FLYWCH1: variants seen among roughly 807,000 people sequenced by gnomAD.
FLYWCH1 encodes the protein FLYWCH-type zinc finger 1, also known as FLYWCH-type zinc finger-containing protein 1.
In FLYWCH1, 75 loss-of-function variants were observed where a neutral mutation model predicts 66.4. That is an observed-to-expected ratio of 1.13 (90% CI 0.94 to 1.37). The LOEUF is 1.37. Ranked by LOEUF, FLYWCH1 falls within the 40% of genes most tolerant of loss-of-function variation. FLYWCH1 has a pLI of 0.00. For missense variants in FLYWCH1, 1,334 were observed against 1,001.8 expected (o/e 1.33, Z -4.48); for synonymous variants, 595 against 429.9 (o/e 1.38, Z -4.75).
At chr16:2,917,759 C>T (rs2070222056) in intron 2 of FLYWCH1, among the ~76,000 whole-genome samples, 1 of 152,054 alleles carries the variant, frequency 6.6e-6, no homozygotes, top group Admixed American at 6.6e-5. Flanking sequence ...TGTGAAAAAT[C>T]TAGATTCTTG....
intron 3 of FLYWCH1, 87 bp downstream of exon 3, chr16:2,930,097 T>C (rs567457162): frequency 5.9e-6 from 7 of 1,185,478 alleles, no homozygotes; most frequent in Admixed American, 4.6e-5. Flanking sequence ...TCAAGCATAG[T>C]GTCTTGTCCT....
rs2071613038 is a variant in FLYWCH1 at position 2,949,458 on chromosome 16, G to A, written c.*731G>A. The stretch of plus-strand genomic sequence containing the variant: ...AGCCAGCGCTGGGCACACGTGCCCT[G>A]GCTGAGGCCAGCGGCATCCTGGGTG... On this transcript the variant is annotated 3_prime_UTR_variant, in exon 10 of 10. Coordinates refer to ENST00000253928, the MANE Select transcript of FLYWCH1 (RefSeq NM_001308068.2). 1 of 152,322 alleles carries A rather than the reference G, an allele frequency of 6.6e-6. No homozygotes were observed. The highest frequency in any genetic ancestry group is 2.4e-5 in the African/African-American group (1 of 41,452). 9.4% of individuals were successfully genotyped at this position (152,322 alleles called of 1,614,324 possible).
At chr16:2,939,811 A>G (rs1211844761) in intron 8 of FLYWCH1, 3 of 450,372 alleles carry the variant, frequency 6.7e-6, no homozygotes, top group East Asian at 3.8e-5. Flanking sequence ...GTTGACCCCC[A>G]CTATTTTCCA....
At position 2,930,732 on chromosome 16, in the gene FLYWCH1, G is replaced by A. The variant is rs1186355848; in HGVS notation, c.648G>A (p.Leu216=). The part of the protein sequence containing the change: ...EGPGGRVEEP[L]EGVGPWQCPE... ...CTGGAGGCCGAGTGGAGGAGCCCCT[G>A]GAGGGGGTGGGCCCGTGGCAGTGCC... Residue 216 remains leucine (L), a synonymous_variant, in exon 4 of 10, where the codon CTG becomes CTA. Coordinates refer to ENST00000253928, the MANE Select transcript of FLYWCH1 (RefSeq NM_001308068.2). The A allele has an allele frequency of 6.4e-7, 1 of 1,552,988 alleles. No homozygotes were observed. The highest frequency in any genetic ancestry group is 1.4e-5 in the African/African-American group (1 of 73,356).
At chr16:2,939,996 AATTATTAATTCAT>A (rs763675922) in intron 8 of FLYWCH1, 23 bp from the exon 9 acceptor site, 3 of 1,569,286 alleles carry the variant, frequency 1.9e-6, no homozygotes, top group Non-Finnish European at 1.7e-6. Context: ...ACAAGAGAAG[AATTATTAATTCAT>A]ATTTTCAATT....
intron 6 of FLYWCH1, chr16:2,934,643 C>A (rs1052764071): frequency 2.2e-6 from 1 of 456,920 alleles, no homozygotes; most frequent in South Asian, 1.5e-5. Flanking sequence ...AGTGGCTCTT[C>A]CGGATCCTGC....
At chr16:2,919,381 T>C (rs189126037) in intron 2 of FLYWCH1, among the ~76,000 whole-genome samples, 362 of 152,120 alleles carry the variant, frequency 2.4e-3, no homozygotes, top group African/African-American at 5.6e-3. Flanking sequence ...TTCTCCTGCC[T>C]CAGCCTCCCG....
chr16:2,931,238 G>A (rs928286610), intron 4 of FLYWCH1, among the ~76,000 whole-genome samples: 1 of 149,778 alleles, frequency 6.7e-6, no homozygotes, highest in East Asian at 2.0e-4. Flanking sequence ...AGGAGGCAGA[G>A]GTTGCAGTAA....
chr16:2,915,737 C>T (rs2070146255), intron 2 of FLYWCH1, among the ~76,000 whole-genome samples: 1 of 149,494 alleles, frequency 6.7e-6, no homozygotes, highest in African/African-American at 2.5e-5. Context: ...TCGGAGGTTG[C>T]AGTTAGCTGA....
chr16:2,926,858 C>A (rs1448505104), intron 2 of FLYWCH1, among the ~76,000 whole-genome samples: 1 of 152,172 alleles, frequency 6.6e-6, no homozygotes, highest in Non-Finnish European at 1.5e-5. Context: ...ATGGCCAACT[C>A]CTCCTCCCGT....
chr16:2,944,814 T>A (rs1353142683), intron 9 of FLYWCH1, among the ~76,000 whole-genome samples: 3 of 148,824 alleles, frequency 2.0e-5, no homozygotes, highest in African/African-American at 7.4e-5. Flanking sequence ...AGAGTGAGAC[T>A]CTGTATCAAA....
chr16:2,930,729 C>G lies in FLYWCH1; in HGVS notation c.645C>G (p.Pro215=). ...GCCCTGGAGGCCGAGTGGAGGAGCC[C>G]CTGGAGGGGGTGGGCCCGTGGCAGT... The part of the protein sequence containing the change: ...PEGPGGRVEE[P]LEGVGPWQCP... The change falls in exon 4 of 10, where the codon CCC becomes CCG. Residue 215 remains proline, a synonymous_variant. Transcript: ENST00000253928. The G allele has an allele frequency of 1.9e-6, 3 of 1,551,662 alleles. No homozygotes were observed. Among genetic ancestry groups the G allele is most frequent in the South Asian group, 1.2e-5 (1 of 84,626 alleles).
chr16:2,925,495 C>A (rs1162231328), intron 2 of FLYWCH1, among the ~76,000 whole-genome samples: 2 of 137,770 alleles, frequency 1.5e-5, no homozygotes. Flanking sequence ...GAGCTCAGAG[C>A]GAGGGAGCGG....
chr16:2,927,664 C>T (rs1218280955), intron 2 of FLYWCH1, among the ~76,000 whole-genome samples: 5 of 152,288 alleles, frequency 3.3e-5, no homozygotes, highest in Non-Finnish European at 4.4e-5. Flanking sequence ...AAGAATTCCC[C>T]GGCTGGCTCA....
chr16:2,944,454 TAATA>T (rs1003729756), intron 9 of FLYWCH1, among the ~76,000 whole-genome samples: 8 of 151,966 alleles, frequency 5.3e-5, no homozygotes, highest in East Asian at 1.9e-4. Context: ...TTGATAATGA[TAATA>T]AATATGTTAT....
At chr16:2,942,194 C>T (rs2071296033) in intron 9 of FLYWCH1, among the ~76,000 whole-genome samples, 2 of 152,130 alleles carry the variant, frequency 1.3e-5, no homozygotes, top group South Asian at 2.1e-4. Flanking sequence ...CTATGGACCT[C>T]ATTCTGGCAG....
chr16:2,933,154 T>C lies in FLYWCH1; in HGVS notation c.821T>C (p.Leu274Pro), dbSNP rs764835386. The C allele has an allele frequency of 6.2e-7, 1 of 1,613,574 alleles. No homozygotes were observed. Among genetic ancestry groups the C allele is most frequent in the Non-Finnish European group, 8.5e-7 (1 of 1,179,786 alleles). Residue 274 changes from leucine to proline, a missense_variant, in exon 5 of 10, where the codon CTG (leucine) becomes CCG (proline). Leu to Pro is a moderately conservative substitution (Grantham distance 98). Coordinates refer to ENST00000253928, the MANE Select transcript of FLYWCH1 (RefSeq NM_001308068.2). The part of the protein sequence containing the change: ...GLGQARPLEF[L>P]RTCYGGSFLV... ...GGACAGGCCCGGCCCCTCGAGTTCC[T>C]GAGGACGTGCTACGGGGGCAGCTTC... is the stretch of plus-strand genomic sequence containing the variant.
intron 6 of FLYWCH1, chr16:2,936,350 C>T (rs1290157253): frequency 8.8e-6 from 4 of 455,692 alleles, no homozygotes; most frequent in African/African-American, 4.0e-5. Flanking sequence ...GCTGCTGTGC[C>T]CCTCAGGGTC....
intron 2 of FLYWCH1, among the ~76,000 whole-genome samples, chr16:2,916,980 TAAA>T (rs56875032): frequency 1.2e-4 from 16 of 135,914 alleles, no homozygotes; most frequent in Non-Finnish European, 1.3e-4. Context: ...CCATCTCTAG[TAAA>T]AAAAAAAAAA....
Sources: allele counts gnomAD v4.1 joint callset (sites outside exome capture counted in the v4.1 genomes callset), GRCh38; gene constraint gnomAD v4.1.1; transcripts MANE v1.5; gene names NCBI Gene and HGNC (gene_info 2026-07-23, HGNC 2026-07-21).